Variants in EDEM1 observed in about 807,000 individuals in gnomAD.
The protein encoded by EDEM1 is ER degradation enhancing alpha-mannosidase like protein 1.
A neutral mutation model predicts 74.4 loss-of-function variants in EDEM1; 67 were observed. That is an observed-to-expected ratio of 0.90 (90% CI 0.74 to 1.10). The LOEUF is 1.10. Ranked by LOEUF, EDEM1 falls within the 50% of genes least tolerant of loss-of-function variation. The probability of loss-of-function intolerance (pLI) is 0.00; values close to 1 mark genes in which losing one functional copy is unlikely to be tolerated. For missense variants in EDEM1, 926 were observed against 851.6 expected (o/e 1.09, Z -1.09); for synonymous variants, 382 against 335.9 (o/e 1.14, Z -1.50).
chr3:5,190,938 A>G (rs1375107591), intron 1 of EDEM1, among the ~76,000 whole-genome samples: 1 of 152,156 alleles, frequency 6.6e-6, no homozygotes, highest in African/African-American at 2.4e-5. Context: ...TATAGGGTAC[A>G]TGAGATATTT....
chr3:5,188,639 G>C (rs904400016), intron 1 of EDEM1, among the ~76,000 whole-genome samples: 1 of 152,200 alleles, frequency 6.6e-6, no homozygotes, highest in Non-Finnish European at 1.5e-5. Flanking sequence ...GGCTTGGAGG[G>C]CTTTCCACTT....
intron 10 of EDEM1, among the ~76,000 whole-genome samples, chr3:5,211,813 G>A (rs1266796141): frequency 9.9e-5 from 15 of 152,190 alleles, no homozygotes; most frequent in Non-Finnish European, 4.4e-5. Context: ...AAAGTATGGC[G>A]ATGGCTGTGG....
At position 5,208,078 on chromosome 3, in the gene EDEM1, G is replaced by A. The variant is rs778007196; in HGVS notation, c.1339-15G>A. 1.3e-6 allele frequency: 2 copies of A among 1,585,114 alleles called. No individual in the cohort carries two copies. Among genetic ancestry groups the A allele is most frequent in the Non-Finnish European group, 1.7e-6 (2 of 1,169,240 alleles). On this transcript the variant is annotated splice_polypyrimidine_tract_variant and intron_variant, in intron 7 of 11. Coordinates refer to ENST00000256497, the MANE Select transcript of EDEM1 (RefSeq NM_014674.3). Reference sequence around the variant, plus strand: ...GAATGGTATCTCAGCCTGATGACCTGTGTCCTCTCCTTAGGTGCTGATAGG... The same window carrying A: ...GAATGGTATCTCAGCCTGATGACCTATGTCCTCTCCTTAGGTGCTGATAGG...
chr3:5,208,062 C>T (rs1301815702), intron 7 of EDEM1, 31 bp from the exon 8 acceptor site: 1 of 1,562,542 alleles, frequency 6.4e-7, no homozygotes, highest in African/African-American at 1.4e-5. Flanking sequence ...GGAATGGTAT[C>T]TCAGCCTGAT....
At chr3:5,211,066 A>T in intron 9 of EDEM1, 54 bp from the exon 10 acceptor site, 1 of 1,508,200 alleles carries the variant, frequency 6.6e-7, no homozygotes, top group Admixed American at 1.7e-5. Flanking sequence ...TTCTTAAGTG[A>T]ATCAGCAGGT....
chr3:5,209,716 C>T (rs1350657030), intron 8 of EDEM1, among the ~76,000 whole-genome samples: 4 of 152,166 alleles, frequency 2.6e-5, no homozygotes, highest in Non-Finnish European at 2.9e-5. Context: ...TGGCGGCCTC[C>T]TTTCATACTT....
Position 5,205,400 on chromosome 3 carries a change from G to A in EDEM1, c.1217+159G>A, listed in dbSNP as rs565343438. ...GTCAGTCATCTGGGGGCAAAGAGCT[G>A]TGTTATCTTTCTGTCGCTGCATAGC... On this transcript the variant is annotated intron_variant, in intron 6 of 11. Coordinates refer to ENST00000256497, the MANE Select transcript of EDEM1 (RefSeq NM_014674.3). 1.1e-3 allele frequency among the ~76,000 whole-genome samples: 166 copies of A among 152,318 alleles called. 1 individual carries two copies. The highest frequency in any genetic ancestry group is 1.8e-3 in the Non-Finnish European group (120 of 68,028).
At chr3:5,199,119 C>G (rs140970707) in intron 2 of EDEM1, among the ~76,000 whole-genome samples, 23 of 152,362 alleles carry the variant, frequency 1.5e-4, no homozygotes, top group African/African-American at 5.0e-4. Context: ...GGATAACAAT[C>G]AACAAGTTCA....
chr3:5,206,801 C>T (rs192402815), intron 6 of EDEM1, among the ~76,000 whole-genome samples: 1 of 152,194 alleles, frequency 6.6e-6, no homozygotes, highest in Non-Finnish European at 1.5e-5. Flanking sequence ...CCAAAAGAAC[C>T]AAGCTTTTCT....
At chr3:5,214,770 A>G (rs1037113553) in intron 11 of EDEM1, among the ~76,000 whole-genome samples, 1 of 152,164 alleles carries the variant, frequency 6.6e-6, no homozygotes, top group Non-Finnish European at 1.5e-5. Flanking sequence ...GGAAGGAGAC[A>G]TCTCTGACCT....
chr3:5,194,411 A>C (rs1163080477), intron 1 of EDEM1, among the ~76,000 whole-genome samples: 1 of 152,138 alleles, frequency 6.6e-6, no homozygotes, highest in Admixed American at 6.6e-5. Context: ...CAGATGTATT[A>C]GTTTTTTTGT....
intron 9 of EDEM1, 53 bp downstream of exon 9, chr3:5,210,301 A>G (rs1250432977): frequency 3.3e-6 from 5 of 1,522,744 alleles, no homozygotes; most frequent in Non-Finnish European, 2.7e-6. Flanking sequence ...AATTTATTTC[A>G]AATTGTTTTG....
chr3:5,195,841 C>G (rs2054959831), intron 2 of EDEM1, among the ~76,000 whole-genome samples: 3 of 152,258 alleles, frequency 2.0e-5, no homozygotes, highest in Admixed American at 1.3e-4. Flanking sequence ...CTCATTGACT[C>G]TGGAGAACTA....
In EDEM1 at chr3:5,216,031, T is replaced by C. The variant is rs1236299043; in HGVS notation, c.*113T>C. The C allele has an allele frequency of 5.9e-6, 5 of 841,602 alleles. No individual in the cohort carries two copies. Among genetic ancestry groups the C allele is most frequent in the Non-Finnish European group, 9.4e-6 (5 of 532,776 alleles). 52.1% of individuals were successfully genotyped at this position (841,602 alleles called of 1,614,324 possible). On this transcript the variant is annotated 3_prime_UTR_variant, in exon 12 of 12. Transcript: ENST00000256497. Reference sequence around the variant, plus strand: ...AGAAGTCTTGCTGTCCATGGTGGTGTAGGAATTTCTGTGCAACACCTCACC... The same window carrying C: ...AGAAGTCTTGCTGTCCATGGTGGTGCAGGAATTTCTGTGCAACACCTCACC...
In EDEM1 at chr3:5,201,778, C is replaced by A. The variant is rs1186514098; in HGVS notation, c.712C>A (p.His238Asn). Residue 238 changes from histidine (H) to asparagine (N), a missense_variant, in exon 4 of 12, where the codon CAC (histidine) becomes AAC (asparagine). His to Asn is a moderately conservative substitution (Grantham distance 68, BLOSUM62 1). Coordinates refer to ENST00000256497, the MANE Select transcript of EDEM1 (RefSeq NM_014674.3). ...IRVLGSLLSA[H>N]RIITDSKQPF... The stretch of plus-strand genomic sequence containing the variant: ...GGTCCTGGGAAGCCTCCTTTCTGCT[C>A]ACAGAATAATAACTGACTCCAAGCA... 2 of 1,614,042 alleles carry A rather than the reference C, an allele frequency of 1.2e-6. No individual in the cohort carries two copies. The highest frequency in any genetic ancestry group is 1.7e-6 in the Non-Finnish European group (2 of 1,180,034).
chr3:5,195,223 TC>T lies in EDEM1; in HGVS notation c.525del (p.Asn176MetfsTer4). ...PDRGDPSNLNINDVLGNYSLT... is the reference protein window; with the variant it reads ...PDRGDPSNLNXNDVLGNYSLT... ...TTCTTTTTCAGTTCAAATCTGAACA[TC>T]AATGATGTACTAGGGAACTACTCAT... On this transcript the variant is annotated frameshift_variant, in exon 2 of 12. Coordinates refer to ENST00000256497, the MANE Select transcript of EDEM1 (RefSeq NM_014674.3). LOFTEE classifies it high-confidence loss of function. 1 of 1,540,166 alleles carries T rather than the reference TC, an allele frequency of 6.5e-7. No individual in the cohort carries two copies. Among genetic ancestry groups the T allele is most frequent in the Non-Finnish European group, 8.8e-7 (1 of 1,140,858 alleles).
intron 8 of EDEM1, among the ~76,000 whole-genome samples, chr3:5,209,732 A>G (rs543208098): frequency 3.2e-4 from 49 of 152,304 alleles, no homozygotes; most frequent in African/African-American, 1.1e-3. Context: ...TACTTCGGAA[A>G]GTCTTGTTCC....
chr3:5,199,242 G>T (rs1177589628), intron 2 of EDEM1, among the ~76,000 whole-genome samples: 1 of 152,190 alleles, frequency 6.6e-6, no homozygotes, highest in East Asian at 1.9e-4. Flanking sequence ...TGATTTATTT[G>T]TATACCTGCC....
intron 10 of EDEM1, 60 bp downstream of exon 10, chr3:5,211,276 A>G (rs1296152642): frequency 9.4e-6 from 14 of 1,493,446 alleles, no homozygotes; most frequent in South Asian, 1.2e-5. Context: ...AAGCATTCGC[A>G]TAGTCTTCCA....
Sources: gnomAD v4.1 joint callset for allele counts (sites outside exome capture counted in the v4.1 genomes callset) on GRCh38, gnomAD v4.1.1 for gene constraint, MANE v1.5 for transcripts, NCBI Gene and HGNC (gene_info 2026-07-23, HGNC 2026-07-21) for gene names.